Variants in TTC28 observed in about 807,000 individuals in gnomAD.
TTC28 encodes tetratricopeptide repeat protein 28.
Under a neutral mutation model 198.0 loss-of-function variants are expected in TTC28, and 61 were observed. That is an observed-to-expected ratio of 0.31 (90% CI 0.25 to 0.38). The LOEUF is 0.38. Among genes scored for constraint, TTC28 ranks in the 10% least tolerant of loss-of-function variants. The pLI is 1.00. For missense variants in TTC28, 2,678 were observed against 3,164.0 expected (o/e 0.85, Z 3.69); for synonymous variants, 1,171 against 1,297.8 (o/e 0.90, Z 2.10).
intron 5 of TTC28, among the ~76,000 whole-genome samples, chr22:28,245,431 C>T (rs531801366): frequency 2.0e-5 from 3 of 152,250 alleles, no homozygotes; most frequent in African/African-American, 4.8e-5. Context: ...AGGAGGTACA[C>T]ACATATTAAT....
chr22:28,412,318 C>G (rs1334998250), intron 2 of TTC28, among the ~76,000 whole-genome samples: 1 of 152,170 alleles, frequency 6.6e-6, no homozygotes, highest in African/African-American at 2.4e-5. Context: ...TCCAGTTCAT[C>G]CTCCACCATG....
chr22:27,985,281 T>G lies in TTC28; in HGVS notation c.5783A>C (p.His1928Pro). 1 of 1,551,544 alleles carries G rather than the reference T, an allele frequency of 6.4e-7. No individual in the cohort carries two copies. Among genetic ancestry groups the G allele is most frequent in the Non-Finnish European group, 8.7e-7 (1 of 1,146,892 alleles). The change falls in exon 22 of 23, where the codon CAC becomes CCC. Residue 1928 changes from histidine (H) to proline (P), a missense_variant. Physicochemically the swap from His to Pro is moderately conservative, Grantham distance 77. Transcript: ENST00000397906. ...TGKQANRRTV[H>P]FALQSLLSLF... Reference sequence around the variant, plus strand: ...AGACAGCAGGGACTGGAGCGCGAAGTGCACAGTCCGTCGATTAGCTTGCTT... The same window carrying G: ...AGACAGCAGGGACTGGAGCGCGAAGGGCACAGTCCGTCGATTAGCTTGCTT...
At position 28,573,439 on chromosome 22, in the gene TTC28, C is replaced by T. The variant is rs533913776; in HGVS notation, c.381+56113G>A. 7.8e-4 allele frequency among the ~76,000 whole-genome samples: 118 copies of T among 150,900 alleles called. 1 individual carries two copies. The highest frequency in any genetic ancestry group is 1.1e-3 in the Non-Finnish European group (75 of 67,800). On this transcript the variant is annotated intron_variant, in intron 2 of 22. Coordinates refer to ENST00000397906, the MANE Select transcript of TTC28 (RefSeq NM_001145418.2). ...ACTGCACTCCAGCCTGGCGACAGAG[C>T]GAGATTCTGTCTCAAAAAAATAAAA...
At chr22:28,186,061 T>C (rs1924166675) in intron 5 of TTC28, among the ~76,000 whole-genome samples, 1 of 152,130 alleles carries the variant, frequency 6.6e-6, no homozygotes, top group African/African-American at 2.4e-5. Flanking sequence ...AGCAAATGTT[T>C]CTAATTTGCA....
intron 2 of TTC28, among the ~76,000 whole-genome samples, chr22:28,413,453 A>C (rs1393515130): frequency 6.6e-6 from 1 of 152,130 alleles, no homozygotes; most frequent in Non-Finnish European, 1.5e-5. Flanking sequence ...CGTCTGATGT[A>C]CTATCAAAAA....
intron 12 of TTC28, among the ~76,000 whole-genome samples, chr22:28,060,366 T>A (rs1373355460): frequency 2.0e-5 from 3 of 152,134 alleles, no homozygotes; most frequent in Non-Finnish European, 2.9e-5. Context: ...TCTGTCCTTG[T>A]GACAGTTGCT....
chr22:28,369,747 T>C (rs948297178), intron 2 of TTC28, among the ~76,000 whole-genome samples: 4 of 152,236 alleles, frequency 2.6e-5, no homozygotes, highest in Non-Finnish European at 5.9e-5. Context: ...TTACCATTTA[T>C]ATAGAACTCC....
intron 1 of TTC28, among the ~76,000 whole-genome samples, chr22:28,658,239 A>G (rs915823189): frequency 6.6e-6 from 1 of 152,188 alleles, no homozygotes; most frequent in African/African-American, 2.4e-5. Flanking sequence ...ATCAAAATGT[A>G]ATGACAATTG....
intron 8 of TTC28, 109 bp from the exon 9 acceptor site, chr22:28,101,389 A>C: frequency 6.5e-6 from 6 of 923,264 alleles, no homozygotes; most frequent in Non-Finnish European, 1.0e-5. Flanking sequence ...GTTTTGAGAC[A>C]GGGTCTCACT....
chr22:28,249,996 C>T (rs555912130), intron 5 of TTC28, among the ~76,000 whole-genome samples: 39 of 152,250 alleles, frequency 2.6e-4, no homozygotes, highest in South Asian at 6.2e-4. Context: ...TATAAAATTT[C>T]AATTAACACC....
rs187295195 is a variant in TTC28 at position 28,064,132 on chromosome 22, T to C, written c.3932+29948A>G. 2.4e-3 allele frequency among the ~76,000 whole-genome samples: 368 copies of C among 152,228 alleles called. 1 individual carries two copies. Among genetic ancestry groups the C allele is most frequent in the Admixed American group, 4.4e-3 (68 of 15,294 alleles). On this transcript the variant is annotated intron_variant, in intron 12 of 22. Transcript: ENST00000397906. ...GGGGATGGATATGAAAGAAGTGACATGTGCTTATTAACTTTCCTATGGATG... is the reference window on the plus strand; with the variant it reads ...GGGGATGGATATGAAAGAAGTGACACGTGCTTATTAACTTTCCTATGGATG...
chr22:28,030,198 G>A (rs1321393879), intron 13 of TTC28, 28 bp downstream of exon 13: 1 of 1,550,892 alleles, frequency 6.4e-7, no homozygotes, highest in African/African-American at 1.4e-5. Flanking sequence ...GCCCTGCACT[G>A]GGCCTGGGGA....
intron 2 of TTC28, among the ~76,000 whole-genome samples, chr22:28,365,853 A>G (rs1302101481): frequency 1.3e-5 from 2 of 152,222 alleles, no homozygotes; most frequent in Admixed American, 6.5e-5. Flanking sequence ...GCACATTTCT[A>G]ATTAAATCCT....
At chr22:28,375,894 T>C (rs1184170701) in intron 2 of TTC28, among the ~76,000 whole-genome samples, 5 of 152,218 alleles carry the variant, frequency 3.3e-5, no homozygotes, top group African/African-American at 4.8e-5. Flanking sequence ...CCAGGTTCTA[T>C]AGCCTTGGAA....
At chr22:28,661,650 C>A (rs895576861) in intron 1 of TTC28, among the ~76,000 whole-genome samples, 4 of 151,976 alleles carry the variant, frequency 2.6e-5, no homozygotes, top group African/African-American at 9.7e-5. Flanking sequence ...ACTCTGTCAC[C>A]CAGGCTGGAG....
intron 1 of TTC28, among the ~76,000 whole-genome samples, chr22:28,651,723 C>T (rs1197866198): frequency 6.7e-6 from 1 of 149,984 alleles, no homozygotes; most frequent in East Asian, 2.0e-4. Context: ...TCGCCACCCT[C>T]CTGACCTCTC....
At chr22:28,399,356 A>T (rs541764260) in intron 2 of TTC28, among the ~76,000 whole-genome samples, 62 of 139,838 alleles carry the variant, frequency 4.4e-4, no homozygotes, top group African/African-American at 1.6e-3. Context: ...TTGCTCTGTC[A>T]CATAGGCTGG....
At chr22:28,556,388 T>TA (rs2049786724) in intron 2 of TTC28, among the ~76,000 whole-genome samples, 3 of 152,140 alleles carry the variant, frequency 2.0e-5, no homozygotes, top group Non-Finnish European at 4.4e-5. Flanking sequence ...TCTTTCATTC[T>TA]TAAAAGATCA....
intron 12 of TTC28, among the ~76,000 whole-genome samples, chr22:28,041,707 G>A (rs2146674956): frequency 6.6e-6 from 1 of 152,146 alleles, no homozygotes; most frequent in East Asian, 1.9e-4. Flanking sequence ...CAAAAGCAAT[G>A]GCAACAAAAG....
Sources: allele counts gnomAD v4.1 joint callset (sites outside exome capture counted in the v4.1 genomes callset), GRCh38; gene constraint gnomAD v4.1.1; transcripts MANE v1.5; gene names NCBI Gene and HGNC (gene_info 2026-07-23, HGNC 2026-07-21).